AKAP9: variants seen among roughly 807,000 people sequenced by gnomAD.
AKAP9 encodes the protein A-kinase anchor protein 9.
In AKAP9, 311 loss-of-function variants were observed where a neutral mutation model predicts 488.5. The observed-to-expected ratio is 0.64, with a 90% CI of 0.58 to 0.70. The LOEUF (loss-of-function observed/expected upper bound fraction) is 0.70. Ranked by LOEUF, AKAP9 falls within the 30% of genes least tolerant of loss-of-function variation. The pLI is 0.00. For missense variants in AKAP9, 4,215 were observed against 4,374.5 expected (o/e 0.96, Z 1.03); for synonymous variants, 1,462 against 1,483.5 (o/e 0.99, Z 0.33).
At chr7:92,052,598 G>T in intron 21 of AKAP9, 128 bp from the exon 22 acceptor site, 1 of 621,920 alleles carries the variant, frequency 1.6e-6, no homozygotes, top group Non-Finnish European at 2.8e-6. Context: ...TTATTTGTTT[G>T]GTTGCAATAT....
At chr7:92,056,949 A>AT (rs1808882282) in intron 22 of AKAP9, among the ~76,000 whole-genome samples, 1 of 152,014 alleles carries the variant, frequency 6.6e-6, no homozygotes, top group South Asian at 2.1e-4. Context: ...ATCTTTTAAT[A>AT]TTAAAAAGTA....
In AKAP9 at chr7:91,941,079, C is replaced by A; in HGVS notation, c.-21C>A. The A allele has an allele frequency of 6.2e-7, 1 of 1,612,766 alleles. No homozygotes were observed. Among genetic ancestry groups the A allele is most frequent in the Non-Finnish European group, 8.5e-7 (1 of 1,178,700 alleles). The stretch of plus-strand genomic sequence containing the variant: ...AACCACCCCTCAACCCCTGTTTTCC[C>A]CTGCCTTCCTTGCAGAGGCCATGGA... On this transcript the variant is annotated 5_prime_UTR_variant, in exon 1 of 50. Coordinates refer to ENST00000356239, the MANE Select transcript of AKAP9 (RefSeq NM_005751.5).
chr7:91,971,424 A>C (rs552067576), intron 1 of AKAP9, among the ~76,000 whole-genome samples: 1 of 152,176 alleles, frequency 6.6e-6, no homozygotes, highest in South Asian at 2.1e-4. Context: ...TGCTGTTTTG[A>C]ATTCTTGTTC....
At chr7:92,075,514 CA>C (rs1812439195) in intron 28 of AKAP9, among the ~76,000 whole-genome samples, 1 of 152,162 alleles carries the variant, frequency 6.6e-6, no homozygotes, top group Admixed American at 6.5e-5. Context: ...AAGTCTTAGA[CA>C]TTAGTTATTA....
Position 92,065,258 on chromosome 7 carries a change from T to C in AKAP9, c.6005T>C (p.Met2002Thr), listed in dbSNP as rs750699585. Residue 2002 changes from methionine (M) to threonine (T), a missense_variant, in exon 25 of 50, where the codon ATG becomes ACG. Met to Thr is a moderately conservative substitution (Grantham distance 81, BLOSUM62 -1). Transcript: ENST00000356239. ...TTACTACAGGAGACAGAAAAATTAA[T>C]GAAGGAAAAACTAGAAGTACAATGT... ...QQLLQETEKLMKEKLEVQCQA... is the reference protein window; with the variant it reads ...QQLLQETEKLTKEKLEVQCQA... 1.9e-6 allele frequency: 3 copies of C among 1,611,222 alleles called. No homozygotes were observed. The highest frequency in any genetic ancestry group is 2.2e-5 in the South Asian group (2 of 90,710).
At chr7:91,952,830 AT>A (rs1252498983) in intron 1 of AKAP9, among the ~76,000 whole-genome samples, 1 of 151,986 alleles carries the variant, frequency 6.6e-6, no homozygotes, top group Non-Finnish European at 1.5e-5. Context: ...TGTTTTATAT[AT>A]TTTTTAGAGG....
At chr7:91,949,268 A>G (rs1044849685) in intron 1 of AKAP9, among the ~76,000 whole-genome samples, 6 of 152,110 alleles carry the variant, frequency 3.9e-5, no homozygotes, top group African/African-American at 1.4e-4. Flanking sequence ...TCTTCCATAT[A>G]TATATATTTT....
At chr7:92,036,838 A>C (rs1805273651) in intron 16 of AKAP9, among the ~76,000 whole-genome samples, 1 of 152,160 alleles carries the variant, frequency 6.6e-6, no homozygotes, top group Admixed American at 6.5e-5. Flanking sequence ...ATTATTTTTA[A>C]TTATCTTTGT....
chr7:92,045,507 A>G (rs2130790865), intron 21 of AKAP9, among the ~76,000 whole-genome samples: 1 of 152,244 alleles, frequency 6.6e-6, no homozygotes, highest in East Asian at 1.9e-4. Context: ...AGCACTTAGT[A>G]CTCTTACCAG....
At chr7:92,080,189 C>G (rs773421848) in intron 31 of AKAP9, 37 bp downstream of exon 31, 3 of 1,436,994 alleles carry the variant, frequency 2.1e-6, no homozygotes, top group Admixed American at 2.0e-5. Flanking sequence ...TTTAAATACC[C>G]CAAGAAACTA....
chr7:92,040,637 G>A (rs1271592278), intron 17 of AKAP9, 37 bp from the exon 18 acceptor site: 35 of 1,389,788 alleles, frequency 2.5e-5, no homozygotes, highest in Non-Finnish European at 3.4e-5. Context: ...AATGTGTTAT[G>A]GTTGAATTGT....
Position 91,975,498 on chromosome 7 carries a change from T to TTTTTG in AKAP9, c.306+1551_306+1555dup, listed in dbSNP as rs527353692. Among the ~76,000 whole-genome samples the TTTTTG allele has an allele frequency of 5.9e-5, 9 of 152,308 alleles. No individual in the cohort carries two copies. In the South Asian group the frequency reaches 6.2e-4, roughly 11 times the overall value. On this transcript the variant is annotated intron_variant, in intron 2 of 49. Coordinates refer to ENST00000356239, the MANE Select transcript of AKAP9 (RefSeq NM_005751.5). ...AACTCATCTGTAAGTTCTAATAGGT[T>TTTTTG]TTTTGTTTTGTTTTGTTTTGTTTTG...
chr7:92,109,439 T>G (rs1388002940), intron 49 of AKAP9, among the ~76,000 whole-genome samples: 1 of 152,190 alleles, frequency 6.6e-6, no homozygotes, highest in Non-Finnish European at 1.5e-5. Context: ...TTTGTTGGTT[T>G]GCCTAGGCTT....
At chr7:92,040,946 A>G in intron 18 of AKAP9, 48 bp downstream of exon 18, 1 of 1,479,346 alleles carries the variant, frequency 6.8e-7, no homozygotes, top group Non-Finnish European at 9.3e-7. Context: ...TTTTTTTTCC[A>G]AACACCAACT....
At chr7:91,970,779 C>T (rs1262591196) in intron 1 of AKAP9, among the ~76,000 whole-genome samples, 1 of 152,172 alleles carries the variant, frequency 6.6e-6, no homozygotes, top group South Asian at 2.1e-4. Context: ...TTAGGATCCT[C>T]TCTTTGTCCT....
intron 12 of AKAP9, among the ~76,000 whole-genome samples, chr7:92,017,836 G>A (rs1584140807): frequency 6.6e-6 from 1 of 151,842 alleles, no homozygotes; most frequent in South Asian, 2.1e-4. Context: ...CTCTGTTTCT[G>A]TGCAATTAAG....
At chr7:92,003,332 C>T in intron 8 of AKAP9, 97 bp downstream of exon 8, 1 of 927,000 alleles carries the variant, frequency 1.1e-6, no homozygotes, top group South Asian at 1.6e-5. Flanking sequence ...CATATCCTTA[C>T]AAGAGAATGA....
chr7:92,009,877 TTTTTA>T (rs1800447998), intron 8 of AKAP9, among the ~76,000 whole-genome samples: 1 of 152,128 alleles, frequency 6.6e-6, no homozygotes, highest in African/African-American at 2.4e-5. Flanking sequence ...TAAATTTTAT[TTTTTA>T]TTTTGTTTTG....
At position 92,098,131 on chromosome 7, in the gene AKAP9, G is replaced by T. The variant is rs1269725818; in HGVS notation, c.10630G>T (p.Asp3544Tyr). The change falls in exon 43 of 50, where the codon GAT becomes TAT. Residue 3544 changes from aspartate to tyrosine, a missense_variant. This residue lies in a region of AKAP9 where 1,476 missense variants were observed against 1,477.4 expected (regional missense o/e 1.00). Coordinates refer to ENST00000356239, the MANE Select transcript of AKAP9 (RefSeq NM_005751.5). ...SERLQFETAD[D>Y]EDFIWVQENI... The stretch of plus-strand genomic sequence containing the variant: ...AAGACTACAGTTTGAAACAGCAGAT[G>T]ATGAAGATTTCATTTGGGTTCAGGA... 1 of 1,611,058 alleles carries T rather than the reference G, an allele frequency of 6.2e-7. No homozygotes were observed. The highest frequency in any genetic ancestry group is 8.5e-7 in the Non-Finnish European group (1 of 1,177,452).
Sources: allele counts gnomAD v4.1 joint callset (sites outside exome capture counted in the v4.1 genomes callset), GRCh38; gene constraint gnomAD v4.1.1; regional missense constraint gnomAD v4.1.1; transcripts MANE v1.5; gene names NCBI Gene and HGNC (gene_info 2026-07-23, HGNC 2026-07-21).